SLCO3A1: variants seen among roughly 807,000 people sequenced by gnomAD.
SLCO3A1 encodes PGE1 transporter.
A neutral mutation model predicts 63.1 loss-of-function variants in SLCO3A1; 27 were observed. The ratio of observed to expected loss-of-function variants is 0.43; its 90% CI spans 0.32 to 0.59. The LOEUF is 0.59. Among genes scored for constraint, SLCO3A1 ranks in the 20% least tolerant of loss-of-function variants. SLCO3A1 has a pLI of 0.09. For synonymous variants in SLCO3A1, 473 were observed against 409.9 expected (o/e 1.15, Z -1.86); for missense variants, 773 against 945.8 (o/e 0.82, Z 2.40).
chr15:91,892,226 A>G (rs1449707309), intron 1 of SLCO3A1, among the ~76,000 whole-genome samples: 1 of 152,200 alleles, frequency 6.6e-6, no homozygotes. Context: ...TGGTTCTTGA[A>G]TTGAACCTGG....
chr15:92,083,145 G>A lies in SLCO3A1; in HGVS notation c.647-11736G>A, dbSNP rs193064674. ...CTTTCCTTGTAAAGAGGTAGAAGCC[G>A]TCACCCGTGTGTACCAGCCCTGCGA... On this transcript the variant is annotated intron_variant, in intron 2 of 9. Transcript: ENST00000318445. 1.6e-3 allele frequency among the ~76,000 whole-genome samples: 241 copies of A among 152,258 alleles called. 1 individual carries two copies. The highest frequency in any genetic ancestry group is 3.8e-3 in the African/African-American group (156 of 41,552).
At chr15:91,864,796 T>G (rs1897127071) in intron 1 of SLCO3A1, among the ~76,000 whole-genome samples, 1 of 152,216 alleles carries the variant, frequency 6.6e-6, no homozygotes, top group African/African-American at 2.4e-5. Flanking sequence ...TTGGTGCTGC[T>G]TTTTGCACCC....
intron 1 of SLCO3A1, among the ~76,000 whole-genome samples, chr15:91,914,377 G>A (rs747023072): frequency 6.6e-6 from 1 of 152,118 alleles, no homozygotes; most frequent in African/African-American, 2.4e-5. Context: ...AATCCAGGCT[G>A]GGAGAGTTTG....
At chr15:92,126,300 G>A (rs755582367) in intron 6 of SLCO3A1, 41 bp downstream of exon 6, 1 of 1,561,020 alleles carries the variant, frequency 6.4e-7, no homozygotes, top group Non-Finnish European at 8.8e-7. Context: ...GCCTGTTCAG[G>A]GACCCTAGCA....
chr15:92,166,050 T>TTTTTG (rs10660559), downstream of SLCO3A1: 21,029 of 344,828 alleles, frequency 0.061, 1,439 homozygotes, highest in East Asian at 0.25. Context: ...TTTGTTTTGT[T>TTTTTG]TTTTGTTTTG....
chr15:91,997,065 C>G (rs1299191978), intron 2 of SLCO3A1, among the ~76,000 whole-genome samples: 1 of 152,172 alleles, frequency 6.6e-6, no homozygotes, highest in Non-Finnish European at 1.5e-5. Flanking sequence ...CCAGCTGTCT[C>G]TCTTCACTCG....
intron 2 of SLCO3A1, among the ~76,000 whole-genome samples, chr15:92,052,169 G>T (rs547255547): frequency 6.6e-6 from 1 of 152,228 alleles, no homozygotes; most frequent in African/African-American, 2.4e-5. Context: ...TTGGTCTGGG[G>T]CTCTAAGACA....
chr15:92,076,460 C>T (rs1173187742), intron 2 of SLCO3A1, among the ~76,000 whole-genome samples: 1 of 152,194 alleles, frequency 6.6e-6, no homozygotes. Context: ...ATCCTGGAAC[C>T]CCAGCTCCCA....
intron 2 of SLCO3A1, among the ~76,000 whole-genome samples, chr15:92,043,530 C>G (rs1162111935): frequency 1.3e-5 from 2 of 152,190 alleles, no homozygotes; most frequent in African/African-American, 4.8e-5. Context: ...CAGCCCAACC[C>G]CAGAGCCTAA....
At position 91,916,300 on chromosome 15, in the gene SLCO3A1, C is replaced by G. The variant is rs1898657153; in HGVS notation, c.488C>G (p.Pro163Arg). 1 of 1,566,798 alleles carries G rather than the reference C, an allele frequency of 6.4e-7. No homozygotes were observed. Among genetic ancestry groups the G allele is most frequent in the Non-Finnish European group, 8.6e-7 (1 of 1,157,450 alleles). Reference protein sequence around the residue: ...NGSGGDEGPDPDLICRNRTAT... With the variant: ...NGSGGDEGPDRDLICRNRTAT... ...TCGGGCGGCGACGAGGGGCCCGACC[C>G]CGACCTCATCTGCCGCAACCGGACG... The change falls in exon 2 of 10, where the codon CCC becomes CGC. Residue 163 changes from proline (P) to arginine (R), a missense_variant. Transcript: ENST00000318445. The surrounding 1 kb of genome is among the most constrained non-coding windows in gnomAD (Gnocchi z 6.2).
intron 2 of SLCO3A1, among the ~76,000 whole-genome samples, chr15:92,074,342 G>A (rs1440205023): frequency 6.6e-6 from 1 of 152,220 alleles, no homozygotes; most frequent in African/African-American, 2.4e-5. Flanking sequence ...GTCAGAGGCT[G>A]ACTTTGCTTC....
chr15:91,889,107 T>C, intron 1 of SLCO3A1: 1 of 1,233,766 alleles, frequency 8.1e-7, no homozygotes, highest in Non-Finnish European at 1.0e-6. Flanking sequence ...ACAGAATAAA[T>C]ATATTCCAGC....
intron 2 of SLCO3A1, among the ~76,000 whole-genome samples, chr15:92,022,443 A>C (rs1324226712): frequency 1.3e-5 from 2 of 152,238 alleles, no homozygotes; most frequent in Non-Finnish European, 2.9e-5. Context: ...ACCTTAGCCC[A>C]CTTGCCTTAA....
chr15:91,903,118 A>C (rs557208359), intron 1 of SLCO3A1, among the ~76,000 whole-genome samples: 11 of 152,328 alleles, frequency 7.2e-5, no homozygotes, highest in African/African-American at 2.6e-4. Flanking sequence ...GCTCGCACGT[A>C]GTCAGCTCAT....
intron 2 of SLCO3A1, among the ~76,000 whole-genome samples, chr15:92,056,194 C>T (rs1050804028): frequency 2.6e-5 from 4 of 152,120 alleles, no homozygotes; most frequent in African/African-American, 4.8e-5. Flanking sequence ...TTCCAGGTTC[C>T]GGTTCCTTCG....
chr15:92,075,216 T>A (rs1308526214), intron 2 of SLCO3A1, among the ~76,000 whole-genome samples: 1 of 152,188 alleles, frequency 6.6e-6, no homozygotes, highest in African/African-American at 2.4e-5. Flanking sequence ...AAGCTTTTAT[T>A]CCCCATGACA....
rs185086532 is a variant in SLCO3A1 at position 92,033,422 on chromosome 15, G to C, written c.647-61459G>C. On this transcript the variant is annotated intron_variant, in intron 2 of 9. Coordinates refer to ENST00000318445, the MANE Select transcript of SLCO3A1 (RefSeq NM_013272.4). The surrounding 1 kb of genome is among the most constrained non-coding windows in gnomAD (Gnocchi z 4.5). The stretch of plus-strand genomic sequence containing the variant: ...CTCTTCCCCTTAGTGGAGAAGTAAC[G>C]ATGTTCACGCTTGGGCAGCTGGATG... Among the ~76,000 whole-genome samples the C allele has an allele frequency of 4.6e-5, 7 of 152,264 alleles. 1 individual carries two copies. In the South Asian group the frequency reaches 1.5e-3, roughly 32 times the overall value.
intron 2 of SLCO3A1, among the ~76,000 whole-genome samples, chr15:92,050,561 A>G (rs1054478094): frequency 6.6e-6 from 1 of 152,086 alleles, no homozygotes; most frequent in Non-Finnish European, 1.5e-5. Flanking sequence ...CGTGTCAGTA[A>G]ATGCTCTCAG....
intron 2 of SLCO3A1, among the ~76,000 whole-genome samples, chr15:92,027,038 C>T (rs772305415): frequency 8.0e-5 from 12 of 149,866 alleles, no homozygotes; most frequent in Non-Finnish European, 1.8e-4. Context: ...TGCAGTGAGC[C>T]AAGATCGTGC....
Sources: allele counts gnomAD v4.1 joint callset (sites outside exome capture counted in the v4.1 genomes callset), GRCh38; gene constraint gnomAD v4.1.1; non-coding constraint Gnocchi (gnomAD v3.1); transcripts MANE v1.5; gene names NCBI Gene and HGNC (gene_info 2026-07-23, HGNC 2026-07-21).